The following PAN3 variants were observed in gnomAD, a reference collection of about 807,000 sequenced individuals.
The protein encoded by PAN3 is PAN2-PAN3 deadenylation complex subunit PAN3.
In PAN3, 19 loss-of-function variants were observed where a neutral mutation model predicts 96.2. That is an observed-to-expected ratio of 0.20 (90% CI 0.14 to 0.29). The LOEUF (loss-of-function observed/expected upper bound fraction) is 0.29. Ranked by LOEUF, PAN3 falls within the 10% of genes least tolerant of loss-of-function variation. The pLI, the probability that PAN3 is intolerant of heterozygous loss-of-function variation, is 1.00. For synonymous variants in PAN3, 433 were observed against 406.6 expected (o/e 1.06, Z -0.78); for missense variants, 882 against 1,108.1 (o/e 0.80, Z 2.90).
At chr13:28,251,875 GGTTTGTTTGTTT>G (rs3029488) in intron 6 of PAN3, among the ~76,000 whole-genome samples, 1 of 150,232 alleles carries the variant, frequency 6.7e-6, no homozygotes, top group Non-Finnish European at 1.5e-5. Context: ...TCTTGGGGTT[GGTTTGTTTGTTT>G]GTTTGTTTGT....
chr13:28,207,384 C>G (rs1166552294), intron 5 of PAN3, among the ~76,000 whole-genome samples: 1 of 152,110 alleles, frequency 6.6e-6, no homozygotes, highest in African/African-American at 2.4e-5. Context: ...TTCTAGTCTT[C>G]TTTTTCAAAC....
intron 1 of PAN3, among the ~76,000 whole-genome samples, chr13:28,173,087 T>G (rs988188780): frequency 6.6e-6 from 1 of 152,146 alleles, no homozygotes; most frequent in African/African-American, 2.4e-5. Context: ...TATACATTGT[T>G]AAGCTGTAGG....
At chr13:28,191,584 C>G (rs1877264230) in intron 4 of PAN3, among the ~76,000 whole-genome samples, 3 of 152,128 alleles carry the variant, frequency 2.0e-5, no homozygotes, top group South Asian at 4.1e-4. Context: ...TTGAGAAACC[C>G]TAACCTAGAC....
intron 14 of PAN3, among the ~76,000 whole-genome samples, chr13:28,274,578 C>G (rs9554301): frequency 0.13 from 19,447 of 151,192 alleles, 1,455 homozygotes; most frequent in East Asian, 0.33. Flanking sequence ...GTGTAGTTAC[C>G]TTGAAAAACA....
chr13:28,291,515 G>A (rs1593650808), intron 18 of PAN3, among the ~76,000 whole-genome samples: 1 of 152,138 alleles, frequency 6.6e-6, no homozygotes, highest in Admixed American at 6.5e-5. Flanking sequence ...TTGCTGTGGG[G>A]TTGCTGGAAA....
At chr13:28,173,705 GAC>G (rs1197502760) in intron 1 of PAN3, among the ~76,000 whole-genome samples, 2 of 152,184 alleles carry the variant, frequency 1.3e-5, no homozygotes, top group Non-Finnish European at 1.5e-5. Flanking sequence ...TAGCATCTAA[GAC>G]ACAGTGTCCC....
At position 28,267,358 on chromosome 13, in the gene PAN3, T is replaced by C. The variant is rs770123368; in HGVS notation, c.1749T>C (p.Phe583=). Residue 583 remains phenylalanine, a synonymous_variant, in exon 12 of 19, where the codon TTT becomes TTC. Coordinates refer to ENST00000380958, the MANE Select transcript of PAN3 (RefSeq NM_175854.8). Reference sequence around the variant, plus strand: ...GAGAAACTATGATGAGCAGACACTTTAATGACCCTAATGCTGATGCCTACT... The same window carrying C: ...GAGAAACTATGATGAGCAGACACTTCAATGACCCTAATGCTGATGCCTACT... ...AGGETMMSRH[F]NDPNADAYFT... 1 of 1,613,856 alleles carries C rather than the reference T, an allele frequency of 6.2e-7. No individual in the cohort carries two copies. The highest frequency in any genetic ancestry group is 2.2e-5 in the East Asian group (1 of 44,840).
intron 1 of PAN3, among the ~76,000 whole-genome samples, chr13:28,147,524 T>TA (rs966691403): frequency 1.1e-4 from 17 of 152,190 alleles, no homozygotes; most frequent in Non-Finnish European, 2.5e-4. Flanking sequence ...AGGCCCAGAA[T>TA]GCTTACATTA....
intron 4 of PAN3, among the ~76,000 whole-genome samples, chr13:28,194,466 A>ATTTT (rs1284832933): frequency 1.7e-4 from 21 of 122,134 alleles, no homozygotes; most frequent in African/African-American, 5.1e-4. Flanking sequence ...ATATATATAT[A>ATTTT]TTTTTTTTTT....
At chr13:28,145,845 C>T (rs533482172) in intron 1 of PAN3, among the ~76,000 whole-genome samples, 1 of 151,486 alleles carries the variant, frequency 6.6e-6, no homozygotes, top group East Asian at 1.9e-4. Context: ...CTGCAGCCTC[C>T]ACCTCCCAGG....
At chr13:28,249,448 T>C (rs965746804) in intron 6 of PAN3, among the ~76,000 whole-genome samples, 12 of 151,908 alleles carry the variant, frequency 7.9e-5, no homozygotes, top group African/African-American at 2.7e-4. Flanking sequence ...AACGCAAGAT[T>C]TTTATTATTT....
chr13:28,256,481 C>G lies in PAN3; in HGVS notation c.1190C>G (p.Thr397Ser). Residue 397 changes from threonine (T) to serine (S), a missense_variant, in exon 7 of 19, where the codon ACT (threonine) becomes AGT (serine). Around this residue, in one of 3 missense-constraint regions of PAN3, gnomAD observed 364 missense variants for 513.6 expected, o/e 0.71. Coordinates refer to ENST00000380958, the MANE Select transcript of PAN3 (RefSeq NM_175854.8). Reference protein sequence around the residue: ...PSSGQVIQKETVGGTTYFYTD... With the variant: ...PSSGQVIQKESVGGTTYFYTD... ...TCTGGTCAGGTGATCCAAAAGGAAA[C>G]TGTTGGTGGGACGACTTACTTCTAT... The G allele has an allele frequency of 6.2e-7, 1 of 1,614,046 alleles. No individual in the cohort carries two copies. The highest frequency in any genetic ancestry group is 8.5e-7 in the Non-Finnish European group (1 of 1,179,940).
intron 17 of PAN3, among the ~76,000 whole-genome samples, chr13:28,283,851 G>A (rs1341480401): frequency 6.6e-6 from 1 of 152,178 alleles, no homozygotes; most frequent in African/African-American, 2.4e-5. Flanking sequence ...GTTCCAGAGT[G>A]TGTGCTCCTA....
intron 3 of PAN3, among the ~76,000 whole-genome samples, chr13:28,177,601 G>T (rs142298593): frequency 6.6e-6 from 1 of 152,056 alleles, no homozygotes; most frequent in African/African-American, 2.4e-5. Context: ...ATGGTTAAGA[G>T]GTTTTTTTCT....
chr13:28,152,717 T>G (rs1367621919), intron 1 of PAN3, among the ~76,000 whole-genome samples: 1 of 152,186 alleles, frequency 6.6e-6, no homozygotes, highest in Non-Finnish European at 1.5e-5. Context: ...GAGCTGAAGA[T>G]AAATGTCCCG....
chr13:28,160,680 ATAAG>A (rs1259685634), intron 1 of PAN3, among the ~76,000 whole-genome samples: 1 of 152,246 alleles, frequency 6.6e-6, no homozygotes, highest in Admixed American at 6.5e-5. Context: ...AAACCTGTCA[ATAAG>A]TAACACTTGG....
intron 18 of PAN3, among the ~76,000 whole-genome samples, chr13:28,288,409 C>T (rs1384771779): frequency 6.6e-6 from 1 of 152,106 alleles, no homozygotes; most frequent in African/African-American, 2.4e-5. Context: ...AAGTGATTCT[C>T]CTGCCTGAGC....
chr13:28,231,007 TC>T (rs371851915), intron 6 of PAN3, among the ~76,000 whole-genome samples: 10 of 152,324 alleles, frequency 6.6e-5, no homozygotes, highest in African/African-American at 2.4e-4. Flanking sequence ...TCTAGGGAGA[TC>T]CCATCATTTT....
chr13:28,280,041 C>T (rs558331707), intron 15 of PAN3, among the ~76,000 whole-genome samples: 27 of 152,152 alleles, frequency 1.8e-4, no homozygotes, highest in African/African-American at 5.1e-4. Flanking sequence ...CTGCCTCGGC[C>T]TCCCAAAGTG....
Sources: gnomAD v4.1 joint callset for allele counts (sites outside exome capture counted in the v4.1 genomes callset) on GRCh38, gnomAD v4.1.1 for gene constraint, gnomAD v4.1.1 regional missense constraint, MANE v1.5 for transcripts, NCBI Gene and HGNC (gene_info 2026-07-23, HGNC 2026-07-21) for gene names.